The following RUBCN variants were observed in gnomAD, a reference collection of about 807,000 sequenced individuals.
The protein encoded by RUBCN is rubicon autophagy regulator.
Under a neutral mutation model 113.2 loss-of-function variants are expected in RUBCN, and 74 were observed. The observed-to-expected ratio is 0.65, with a 90% CI of 0.54 to 0.79. The LOEUF is 0.79. Among genes scored for constraint, RUBCN ranks in the 30% least tolerant of loss-of-function variants. RUBCN has a pLI of 0.00. For missense variants in RUBCN, 1,109 were observed against 1,251.7 expected, an observed-to-expected ratio of 0.89 and a Z score of 1.72; for synonymous variants, 480 against 490.0, an observed-to-expected ratio of 0.98 and a Z score of 0.27.
chr3:197,677,561 G>A lies in RUBCN; in HGVS notation c.2431-20C>T. ...CAGCAGCTGAAAAGAAAGAGAGGGG[G>A]GCAGGAGTGGGAGGGAGATGTGAGA... On this transcript the variant is annotated intron_variant, in intron 16 of 19. Transcript: ENST00000296343. The A allele has an allele frequency of 6.2e-7, 1 of 1,611,778 alleles. No homozygotes were observed. The highest frequency in any genetic ancestry group is 8.5e-7 in the Non-Finnish European group (1 of 1,178,138).
rs1384839194 is a variant in RUBCN, at chr3:197,729,545, G to A, written c.65+7110C>T. On this transcript the variant is annotated intron_variant, in intron 1 of 19. Transcript: ENST00000296343. ...TGGGATTACAGGCGTGAGCCACCGC[G>A]TCCGGCCCCTGCTTTTGTTTTGTTC... Among the ~76,000 whole-genome samples, 9 of 146,744 alleles carry A rather than the reference G, an allele frequency of 6.1e-5. 1 individual carries two copies. The highest frequency in any genetic ancestry group is 9.0e-5 in the Non-Finnish European group (6 of 66,578).
intron 1 of RUBCN, among the ~76,000 whole-genome samples, chr3:197,719,780 T>C (rs1342602839): frequency 2.0e-4 from 31 of 152,208 alleles, no homozygotes; most frequent in Non-Finnish European, 4.4e-4. Flanking sequence ...TTGATTTACA[T>C]AGCTACCGTA....
chr3:197,706,863 C>T (rs530476858), intron 2 of RUBCN, among the ~76,000 whole-genome samples: 9 of 152,098 alleles, frequency 5.9e-5, no homozygotes, highest in Admixed American at 3.3e-4. Context: ...GAAGTGAGAA[C>T]CGGAAATGTC....
chr3:197,698,829 CAAAAAAAAA>C (rs113975138), intron 7 of RUBCN, among the ~76,000 whole-genome samples: 1 of 31,114 alleles, frequency 3.2e-5, no homozygotes, highest in Non-Finnish European at 7.2e-5. Flanking sequence ...CCTGTCTCTA[CAAAAAAAAA>C]AAAAAAAAAA....
At chr3:197,726,473 C>T (rs1373962951) in intron 1 of RUBCN, among the ~76,000 whole-genome samples, 2 of 151,406 alleles carry the variant, frequency 1.3e-5, no homozygotes, top group Non-Finnish European at 2.9e-5. Flanking sequence ...GTCTCGATCT[C>T]CTGACCTCGT....
At chr3:197,728,837 G>T (rs1480397178) in intron 1 of RUBCN, among the ~76,000 whole-genome samples, 2 of 152,156 alleles carry the variant, frequency 1.3e-5, no homozygotes, top group African/African-American at 4.8e-5. Context: ...TTTAAGGGAC[G>T]ACTAAGAGCT....
At chr3:197,743,702 T>C (rs1483701538) in intron 1 of RUBCN, among the ~76,000 whole-genome samples, 1 of 152,204 alleles carries the variant, frequency 6.6e-6, no homozygotes, top group Non-Finnish European at 1.5e-5. Context: ...ATAACTAATA[T>C]TGGCCAGGCG....
At position 197,704,549 on chromosome 3, in the gene RUBCN, G is replaced by T; in HGVS notation, c.456C>A (p.Phe152Leu). The change falls in exon 4 of 20, where the codon TTC becomes TTA. Residue 152 changes from phenylalanine (F) to leucine (L), a missense_variant. Around this residue, in one of 3 missense-constraint regions of RUBCN, gnomAD observed 736 missense variants for 779.6 expected, o/e 0.94. Transcript: ENST00000296343. ...LLGDRQYIRK[F>L]YTDAAFLLSD... ...TAAGTGGCCTCTACCTACCTGTGTAGAATTTTCTGATATACTGTCTATCCC... is the reference window on the plus strand; with the variant it reads ...TAAGTGGCCTCTACCTACCTGTGTATAATTTTCTGATATACTGTCTATCCC... The T allele has an allele frequency of 1.2e-6, 2 of 1,614,210 alleles. No individual in the cohort carries two copies. The highest frequency in any genetic ancestry group is 1.7e-6 in the Non-Finnish European group (2 of 1,180,026).
At chr3:197,705,367 G>A (rs1218617961) in intron 2 of RUBCN, among the ~76,000 whole-genome samples, 192 bp from the exon 3 acceptor site, 2 of 151,548 alleles carry the variant, frequency 1.3e-5, no homozygotes, top group Middle Eastern at 3.4e-3. Context: ...CACTTCAGGA[G>A]GACTGCTTGA....
At chr3:197,746,014 G>A (rs560845783) in intron 1 of RUBCN, among the ~76,000 whole-genome samples, 1 of 152,314 alleles carries the variant, frequency 6.6e-6, no homozygotes, top group East Asian at 1.9e-4. Context: ...CTGGGCAACA[G>A]AGTGAGACTC....
At chr3:197,719,031 T>G (rs1725846868) in intron 1 of RUBCN, among the ~76,000 whole-genome samples, 1 of 152,204 alleles carries the variant, frequency 6.6e-6, no homozygotes, top group Admixed American at 6.5e-5. Context: ...CAGAGCAAAC[T>G]AGCCTCTGAT....
At chr3:197,685,437 C>T (rs963247372) in intron 11 of RUBCN, among the ~76,000 whole-genome samples, 5 of 152,290 alleles carry the variant, frequency 3.3e-5, no homozygotes, top group South Asian at 2.1e-4. Context: ...CTGTTCCTCA[C>T]GTTTCCTCTG....
At chr3:197,684,759 T>C (rs1171698292) in intron 11 of RUBCN, among the ~76,000 whole-genome samples, 1 of 151,810 alleles carries the variant, frequency 6.6e-6, no homozygotes, top group African/African-American at 2.4e-5. Context: ...TATATATACA[T>C]ATATAAAAAA....
At chr3:197,715,289 T>C (rs9875810) in intron 2 of RUBCN, among the ~76,000 whole-genome samples, 23,372 of 115,384 alleles carry the variant, frequency 0.2, 2,930 homozygotes, top group African/African-American at 0.38. Context: ...AACTCTATCT[T>C]GAAAAAAAAA....
At chr3:197,728,360 A>G (rs1253899687) in intron 1 of RUBCN, among the ~76,000 whole-genome samples, 1 of 152,238 alleles carries the variant, frequency 6.6e-6, no homozygotes, top group Non-Finnish European at 1.5e-5. Flanking sequence ...TTTTTGTACT[A>G]AAAATCGAAC....
At chr3:197,740,265 C>T (rs1409234179), upstream of RUBCN, among the ~76,000 whole-genome samples, 1 of 150,048 alleles carries the variant, frequency 6.7e-6, no homozygotes, top group Non-Finnish European at 1.5e-5. Context: ...GATGGAGTCT[C>T]GCTCTGTCAC....
rs369227624 is a variant in RUBCN, at chr3:197,674,495, C to T, written c.*523G>A. 49 of 492,104 alleles carry T rather than the reference C, an allele frequency of 1.0e-4. No homozygotes were observed. Among genetic ancestry groups the T allele is most frequent in the African/African-American group, 8.7e-4 (43 of 49,198 alleles). 30.5% of individuals were successfully genotyped at this position (492,104 alleles called of 1,614,324 possible). A position where few individuals can be genotyped will look rare whatever the true frequency, so the allele number is the denominator to read the frequency against. On this transcript the variant is annotated 3_prime_UTR_variant, in exon 20 of 20. Transcript: ENST00000296343. ...TACCCAAATAAGTGGACGAAATGCC[C>T]ATGACGTAGTCCTATTCTCTGCTGC...
chr3:197,686,421 C>T (rs1042092272), intron 11 of RUBCN, among the ~76,000 whole-genome samples: 2 of 152,156 alleles, frequency 1.3e-5, no homozygotes, highest in Non-Finnish European at 2.9e-5. Flanking sequence ...CACCCAGCTT[C>T]GGAGGCAAGG....
chr3:197,676,331 CTT>C (rs139563903), intron 18 of RUBCN: 2 of 918,802 alleles, frequency 2.2e-6, no homozygotes, highest in Non-Finnish European at 2.6e-6. Flanking sequence ...TGACAACTGC[CTT>C]TTTTTTTTCC....
Sources: allele counts gnomAD v4.1 joint callset (sites outside exome capture counted in the v4.1 genomes callset), GRCh38; gene constraint gnomAD v4.1.1; regional missense constraint gnomAD v4.1.1; transcripts MANE v1.5; gene names NCBI Gene and HGNC (gene_info 2026-07-23, HGNC 2026-07-21).